CLHC1: variants seen among roughly 807,000 people sequenced by gnomAD.
CLHC1 encodes the protein clathrin heavy chain linker domain containing 1.
In CLHC1, 72 loss-of-function variants were observed where a neutral mutation model predicts 69.5. The observed-to-expected ratio is 1.04, with a 90% CI of 0.86 to 1.26. The LOEUF (loss-of-function observed/expected upper bound fraction) is 1.26. Among genes scored for constraint, CLHC1 ranks in the 50% most tolerant of loss-of-function variants. The pLI, the probability that CLHC1 is intolerant of heterozygous loss-of-function variation, is 0.00. For missense variants in CLHC1, 790 were observed against 679.3 expected, an observed-to-expected ratio of 1.16 and a Z score of -1.81; for synonymous variants, 223 against 224.3, an observed-to-expected ratio of 0.99 and a Z score of 0.05.
chr2:55,175,923 G>T lies in CLHC1; in HGVS notation c.1628C>A (p.Ala543Glu), dbSNP rs1415441631. ...AAAGCCATTCTGTGAACATATATTT[G>T]CCACTTCTTGCCACTTTTCTATGGA... Reference protein sequence around the residue: ...FCSIEKWQEVANICSQNGFDK... With the variant: ...FCSIEKWQEVENICSQNGFDK... Residue 543 changes from alanine (A) to glutamate (E), a missense_variant, in exon 13 of 13, where the codon GCA becomes GAA. Coordinates refer to ENST00000401408, the MANE Select transcript of CLHC1 (RefSeq NM_152385.4). 4 of 1,613,734 alleles carry T rather than the reference G, an allele frequency of 2.5e-6. No homozygotes were observed. In the Admixed American group the frequency reaches 5.0e-5, roughly 20 times the overall value.
intron 11 of CLHC1, among the ~76,000 whole-genome samples, chr2:55,179,077 T>A (rs1435461044): frequency 6.8e-6 from 1 of 146,204 alleles, no homozygotes; most frequent in East Asian, 2.0e-4. Flanking sequence ...TACAGACCCA[T>A]CCCTAAAATT....
At chr2:55,182,972 T>G (rs1670064729) in intron 9 of CLHC1, among the ~76,000 whole-genome samples, 1 of 152,052 alleles carries the variant, frequency 6.6e-6, no homozygotes, top group Non-Finnish European at 1.5e-5. Flanking sequence ...AAACAAAGAC[T>G]AAAGCAGTAA....
intron 2 of CLHC1, among the ~76,000 whole-genome samples, chr2:55,227,226 C>T (rs1408118301): frequency 2.0e-5 from 3 of 152,080 alleles, no homozygotes; most frequent in African/African-American, 7.2e-5. Flanking sequence ...ATGAGAAATA[C>T]ATTTGTTTAT....
chr2:55,184,028 C>T (rs1290488768), intron 9 of CLHC1, among the ~76,000 whole-genome samples: 1 of 151,972 alleles, frequency 6.6e-6, no homozygotes, highest in Non-Finnish European at 1.5e-5. Flanking sequence ...ATCCGCCTGC[C>T]TTGGCCACCC....
Position 55,181,683 on chromosome 2 carries a change from G to A in CLHC1, c.1068C>T (p.Ile356=), listed in dbSNP as rs750076821. 2.5e-6 allele frequency: 4 copies of A among 1,613,760 alleles called. No individual in the cohort carries two copies. In the Admixed American group the frequency reaches 5.0e-5, roughly 20 times the overall value. The part of the protein sequence containing the change: ...PLLLFFEALF[I]TSHAFPCPVD... The stretch of plus-strand genomic sequence containing the variant: ...CAGGACATGGAAAAGCATGACTTGT[G>A]ATAAAGAGGGCCTCAAAAAATAAGA... Residue 356 remains isoleucine (I), a synonymous_variant, in exon 10 of 13, where the codon ATC becomes ATT. Transcript: ENST00000401408.
rs1030984907 is a variant in CLHC1, at chr2:55,175,271, G to A, written c.*519C>T. 6.6e-6 allele frequency: 1 copy of A among 152,464 alleles called. No individual in the cohort carries two copies. The highest frequency in any genetic ancestry group is 1.5e-5 in the Non-Finnish European group (1 of 68,312). 9.4% of individuals were successfully genotyped at this position (152,464 alleles called of 1,614,324 possible). On this transcript the variant is annotated 3_prime_UTR_variant, in exon 13 of 13. Transcript: ENST00000401408. The stretch of plus-strand genomic sequence containing the variant: ...CTTTTATACTAGAAGCCTAAGCTTT[G>A]CCATATTTATATATATCAAAGCATG...
intron 1 of CLHC1, among the ~76,000 whole-genome samples, chr2:55,228,656 G>T (rs1168615642): frequency 6.6e-6 from 1 of 152,122 alleles, no homozygotes; most frequent in Non-Finnish European, 1.5e-5. Context: ...TACGGAAGGG[G>T]GCAAGGAAAC....
chr2:55,197,930 A>C (rs982971134), intron 9 of CLHC1, among the ~76,000 whole-genome samples: 2 of 152,232 alleles, frequency 1.3e-5, no homozygotes, highest in African/African-American at 4.8e-5. Context: ...AGCTGTTTTG[A>C]GGAAACTCAA....
At chr2:55,199,194 G>C (rs1209724304) in intron 9 of CLHC1, among the ~76,000 whole-genome samples, 1 of 150,422 alleles carries the variant, frequency 6.6e-6, no homozygotes. Context: ...CTATTTGGGA[G>C]GCTGAGGCAG....
intron 3 of CLHC1, among the ~76,000 whole-genome samples, chr2:55,221,679 A>G (rs1211076710): frequency 6.6e-6 from 1 of 152,234 alleles, no homozygotes; most frequent in African/African-American, 2.4e-5. Flanking sequence ...GTAGTTGATC[A>G]AAAACTGATA....
intron 4 of CLHC1, 24 bp downstream of exon 4, chr2:55,217,787 T>C: frequency 6.9e-7 from 1 of 1,445,384 alleles, no homozygotes; most frequent in South Asian, 1.4e-5. Context: ...TACCATCTTT[T>C]GGGCTAGTTA....
At chr2:55,224,464 C>T in intron 2 of CLHC1, 1 of 397,284 alleles carries the variant, frequency 2.5e-6, no homozygotes. Context: ...TGGTCCTTAG[C>T]TGGCGCTGCA....
At position 55,180,801 on chromosome 2, in the gene CLHC1, C is replaced by G. The variant is rs886080508; in HGVS notation, c.1182-89G>C. The G allele has an allele frequency of 5.5e-6, 5 of 908,028 alleles. No individual in the cohort carries two copies. The East Asian group carries it at 1.2e-4, about 22-fold the overall frequency. The allele number at this position is 908,028 out of a possible 1,614,324, so 56.2% of individuals were successfully genotyped here. On this transcript the variant is annotated intron_variant, in intron 10 of 12. Coordinates refer to ENST00000401408, the MANE Select transcript of CLHC1 (RefSeq NM_152385.4). ...TATTTGAAAATTCAGCACAGTAGGA[C>G]TGGATTTTCTACTACCTGTAAGAAT...
At chr2:55,228,690 C>G (rs917540529) in intron 1 of CLHC1, among the ~76,000 whole-genome samples, 15 of 152,118 alleles carry the variant, frequency 9.9e-5, no homozygotes, top group Non-Finnish European at 1.8e-4. Context: ...TCTAGTAAAA[C>G]AAAATCTAGG....
chr2:55,201,914 T>C (rs1199585091), intron 9 of CLHC1, among the ~76,000 whole-genome samples: 1 of 152,108 alleles, frequency 6.6e-6, no homozygotes, highest in East Asian at 1.9e-4. Flanking sequence ...ACAAAAACCA[T>C]ATGATAATTT....
At chr2:55,226,926 C>T (rs1383692402) in intron 2 of CLHC1, among the ~76,000 whole-genome samples, 1 of 152,226 alleles carries the variant, frequency 6.6e-6, no homozygotes, top group Non-Finnish European at 1.5e-5. Context: ...AGCCACTGCA[C>T]CTGGCTGCTA....
At chr2:55,217,572 T>A in intron 4 of CLHC1, among the ~76,000 whole-genome samples, 2 of 114,622 alleles carry the variant, frequency 1.7e-5, no homozygotes, top group African/African-American at 6.8e-5. Flanking sequence ...TATATATATA[T>A]ATATATATAT....
chr2:55,231,183 G>C (rs1022073674), intron 1 of CLHC1, among the ~76,000 whole-genome samples: 2 of 150,638 alleles, frequency 1.3e-5, no homozygotes, highest in Non-Finnish European at 2.9e-5. Context: ...CTGGGAGGCG[G>C]AGTTTACAGT....
Position 55,177,580 on chromosome 2 carries a change from CACA to C in CLHC1, c.1564+19_1564+21del. ...CTAGATAACCCACTACTATTTCTCC[CACA>C]ACATTTTATTCTACTTACCTATCCC... On this transcript the variant is annotated intron_variant, in intron 12 of 12. Coordinates refer to ENST00000401408, the MANE Select transcript of CLHC1 (RefSeq NM_152385.4). 1.3e-6 allele frequency: 2 copies of C among 1,539,720 alleles called. No homozygotes were observed. The highest frequency in any genetic ancestry group is 1.8e-6 in the Non-Finnish European group (2 of 1,134,184).
Sources: allele counts gnomAD v4.1 joint callset (sites outside exome capture counted in the v4.1 genomes callset), GRCh38; gene constraint gnomAD v4.1.1; transcripts MANE v1.5; gene names NCBI Gene and HGNC (gene_info 2026-07-23, HGNC 2026-07-21).